SYN3: variants seen among roughly 807,000 people sequenced by gnomAD.
The protein encoded by SYN3 is synapsin III, also known as synapsin-3.
Under a neutral mutation model 65.8 loss-of-function variants are expected in SYN3, and 35 were observed. The observed-to-expected ratio is 0.53, with a 90% CI of 0.41 to 0.70. The LOEUF (loss-of-function observed/expected upper bound fraction) is 0.70. SYN3 is among the 30% of genes least tolerant of loss of function. The pLI is 0.00. For missense variants in SYN3, 680 were observed against 749.0 expected, an observed-to-expected ratio of 0.91 and a Z score of 1.08; for synonymous variants, 270 against 292.9, an observed-to-expected ratio of 0.92 and a Z score of 0.80.
At chr22:32,844,052 CTAAG>C (rs953770840) in intron 6 of SYN3, among the ~76,000 whole-genome samples, 1 of 152,088 alleles carries the variant, frequency 6.6e-6, no homozygotes, top group Non-Finnish European at 1.5e-5. Flanking sequence ...ACCTGGACTC[CTAAG>C]TTAGTATACA....
At chr22:32,579,597 C>T (rs955533566) in intron 7 of SYN3, among the ~76,000 whole-genome samples, 3 of 152,176 alleles carry the variant, frequency 2.0e-5, no homozygotes, top group African/African-American at 7.2e-5. Flanking sequence ...TAGGAAGACA[C>T]CAACATTCAG....
chr22:32,721,789 A>G (rs1035861530), intron 6 of SYN3, among the ~76,000 whole-genome samples: 3 of 152,204 alleles, frequency 2.0e-5, no homozygotes, highest in African/African-American at 7.2e-5. Context: ...CAGATGATAA[A>G]TCGTCTGAGA....
intron 6 of SYN3, among the ~76,000 whole-genome samples, chr22:32,684,145 G>A (rs972420296): frequency 2.6e-5 from 4 of 152,314 alleles, no homozygotes; most frequent in Admixed American, 2.6e-4. Context: ...GATTGATCCA[G>A]TGGGGGAACA....
chr22:32,875,027 G>A lies in SYN3; in HGVS notation c.462-5902C>T, dbSNP rs116968360. 1.1e-4 allele frequency among the ~76,000 whole-genome samples: 17 copies of A among 152,328 alleles called. No individual in the cohort carries two copies. In the East Asian group the frequency reaches 3.3e-3, roughly 29 times the overall value. The stretch of plus-strand genomic sequence containing the variant: ...AAAGCCAAGGAAATGTGCACGCTTT[G>A]CAGATGGAGGGGTTTGAATCGCCCA... On this transcript the variant is annotated intron_variant, in intron 4 of 13. Transcript: ENST00000358763.
chr22:32,870,690 A>C (rs916724912), intron 4 of SYN3, among the ~76,000 whole-genome samples: 3 of 152,196 alleles, frequency 2.0e-5, no homozygotes, highest in East Asian at 3.8e-4. Context: ...TTTTTGAAAA[A>C]TATTTTTTTC....
intron 7 of SYN3, among the ~76,000 whole-genome samples, chr22:32,581,133 T>C (rs547275631): frequency 6.6e-6 from 1 of 152,324 alleles, no homozygotes; most frequent in Non-Finnish European, 1.5e-5. Context: ...TTTTTGAGAC[T>C]GAGTCTCGCT....
At chr22:32,912,240 TGAG>T (rs1190098182) in intron 4 of SYN3, among the ~76,000 whole-genome samples, 2 of 152,120 alleles carry the variant, frequency 1.3e-5, no homozygotes, top group Non-Finnish European at 2.9e-5. Context: ...GTGGTTTCTC[TGAG>T]GAGTGACATT....
chr22:33,050,657 T>A (rs764638924), intron 1 of SYN3, among the ~76,000 whole-genome samples: 1 of 152,120 alleles, frequency 6.6e-6, no homozygotes, highest in African/African-American at 2.4e-5. Context: ...ACATGACTTC[T>A]AGTACAGAAA....
intron 3 of SYN3, among the ~76,000 whole-genome samples, chr22:32,942,702 G>T (rs1371338102): frequency 6.6e-6 from 1 of 152,138 alleles, no homozygotes; most frequent in Non-Finnish European, 1.5e-5. Context: ...CTTGAAAAAA[G>T]ATTAGACAAA....
intron 6 of SYN3, among the ~76,000 whole-genome samples, chr22:32,854,348 C>T (rs930777379): frequency 2.6e-5 from 4 of 152,076 alleles, no homozygotes; most frequent in African/African-American, 9.7e-5. Flanking sequence ...AAGCTGATTT[C>T]GATGAGTTGA....
intron 13 of SYN3, among the ~76,000 whole-genome samples, chr22:32,517,409 G>T (rs2057795967): frequency 6.6e-6 from 1 of 152,170 alleles, no homozygotes; most frequent in Non-Finnish European, 1.5e-5. Context: ...TGTGTGTGAG[G>T]CCTTCTTGGA....
At chr22:32,595,834 TG>T (rs779801875) in intron 7 of SYN3, among the ~76,000 whole-genome samples, 1 of 152,204 alleles carries the variant, frequency 6.6e-6, no homozygotes, top group Non-Finnish European at 1.5e-5. Context: ...CCCAACACTG[TG>T]GGAGGCCATG....
At chr22:32,519,349 G>A (rs950170105) in intron 12 of SYN3, 6 of 151,178 alleles carry the variant, frequency 4.0e-5, no homozygotes, top group Non-Finnish European at 7.4e-5. Context: ...CACTGAAGAT[G>A]TATTTCTTTG....
chr22:32,808,990 T>A (rs1192974487), intron 6 of SYN3, among the ~76,000 whole-genome samples: 3 of 152,196 alleles, frequency 2.0e-5, no homozygotes, highest in Non-Finnish European at 4.4e-5. Context: ...GTGGACATGA[T>A]ACCCTAGCAC....
chr22:32,552,388 G>A (rs1172060460), intron 7 of SYN3, among the ~76,000 whole-genome samples: 1 of 151,816 alleles, frequency 6.6e-6, no homozygotes, highest in Non-Finnish European at 1.5e-5. Context: ...GAGCATCAGT[G>A]GATAATGGTT....
intron 7 of SYN3, among the ~76,000 whole-genome samples, chr22:32,551,157 C>T (rs1182880447): frequency 6.6e-6 from 1 of 152,086 alleles, no homozygotes; most frequent in African/African-American, 2.4e-5. Flanking sequence ...TTCTGCAGCC[C>T]CTAATGCAAT....
chr22:32,543,114 G>A (rs77723561), intron 7 of SYN3, among the ~76,000 whole-genome samples: 7,226 of 152,140 alleles, frequency 0.047, 189 homozygotes, highest in Non-Finnish European at 0.067. Context: ...TGCCCTTTGT[G>A]GCTCAGCTTT....
intron 6 of SYN3, among the ~76,000 whole-genome samples, chr22:32,826,067 TTTTG>T (rs1053343119): frequency 1.3e-5 from 2 of 152,194 alleles, no homozygotes; most frequent in African/African-American, 4.8e-5. Context: ...TTTTATAGGT[TTTTG>T]TTTGTTTGTT....
At chr22:32,731,681 A>G (rs776367898) in intron 6 of SYN3, among the ~76,000 whole-genome samples, 7 of 152,220 alleles carry the variant, frequency 4.6e-5, no homozygotes, top group African/African-American at 1.7e-4. Context: ...TAGTAGATGC[A>G]GGATCAAGAC....
Sources: allele counts gnomAD v4.1 joint callset (sites outside exome capture counted in the v4.1 genomes callset), GRCh38; gene constraint gnomAD v4.1.1; transcripts MANE v1.5; gene names NCBI Gene and HGNC (gene_info 2026-07-23, HGNC 2026-07-21).